The following ADARB2 variants were observed in gnomAD, a reference collection of about 807,000 sequenced individuals.
ADARB2 encodes adenosine deaminase RNA specific B2 (inactive).
Under a neutral mutation model 62.2 loss-of-function variants are expected in ADARB2, and 25 were observed. The ratio of observed to expected loss-of-function variants is 0.40; its 90% CI spans 0.29 to 0.56. The LOEUF (loss-of-function observed/expected upper bound fraction) is 0.56, where lower values mean the gene tolerates loss of function less well. ADARB2 is among the 20% of genes least tolerant of loss of function. The pLI, the probability that ADARB2 is intolerant of heterozygous loss-of-function variation, is 0.43. For synonymous variants in ADARB2, 572 were observed against 500.8 expected (o/e 1.14, Z -1.90); for missense variants, 1,071 against 1,077.4 (o/e 0.99, Z 0.08).
At chr10:1,618,619 A>G (rs1419653016) in intron 1 of ADARB2, among the ~76,000 whole-genome samples, 1 of 152,058 alleles carries the variant, frequency 6.6e-6, no homozygotes, top group African/African-American at 2.4e-5. Flanking sequence ...ATATTGGCTG[A>G]CTGCAACCTC....
At chr10:1,486,504 CAG>C (rs1273726661) in intron 1 of ADARB2, among the ~76,000 whole-genome samples, 1 of 152,130 alleles carries the variant, frequency 6.6e-6, no homozygotes, top group Non-Finnish European at 1.5e-5. Flanking sequence ...TGTGTCTGGC[CAG>C]AGTTAATCAA....
chr10:1,481,654 C>T (rs150972414), intron 1 of ADARB2, among the ~76,000 whole-genome samples: 26,737 of 151,812 alleles, frequency 0.18, 2,603 homozygotes, highest in East Asian at 0.37. Context: ...GTCAGGAGTT[C>T]AAGACCAGCC....
rs1287750128 is a variant in ADARB2 at position 1,737,077 on chromosome 10, C to T, written c.74G>A (p.Arg25Lys). 6.2e-7 allele frequency: 1 copy of T among 1,612,038 alleles called. No homozygotes were observed. The highest frequency in any genetic ancestry group is 1.1e-5 in the South Asian group (1 of 91,090). The change falls in exon 1 of 10, where the codon AGG becomes AAG. Residue 25 changes from arginine (R) to lysine (K), a missense_variant. Coordinates refer to ENST00000381312, the MANE Select transcript of ADARB2 (RefSeq NM_018702.4). ...TTTCCGCTTGGACCTCCGCCTCCTC[C>T]TCCTCTTGGACTTGCATTTGAGTTG... ...SSQLKCKSKR[R>K]RRRRSKRKDK...
At chr10:1,455,798 C>G (rs182062076) in intron 1 of ADARB2, among the ~76,000 whole-genome samples, 12 of 152,276 alleles carry the variant, frequency 7.9e-5, no homozygotes, top group African/African-American at 2.9e-4. Flanking sequence ...TGACCAAAAG[C>G]AAGCGATTTT....
At chr10:1,425,697 G>A (rs1179518828) in intron 1 of ADARB2, among the ~76,000 whole-genome samples, 2 of 152,214 alleles carry the variant, frequency 1.3e-5, no homozygotes, top group Non-Finnish European at 2.9e-5. Context: ...TGTGCTCCTG[G>A]CTCAGTAACC....
chr10:1,678,368 G>C, intron 1 of ADARB2: 6 of 983,954 alleles, frequency 6.1e-6, no homozygotes, highest in Non-Finnish European at 7.2e-6. Flanking sequence ...GTGACCTCGG[G>C]GTGAGCATCC....
rs192414556 is a variant in ADARB2, at chr10:1,730,407, G to A, written c.100+6644C>T. ...TGTACACAGTGTGGCCCTCTTCCGC[G>A]TGAGGCTTCAGCTGGTGTGACCATT... On this transcript the variant is annotated intron_variant, in intron 1 of 9. Transcript: ENST00000381312. 1.1e-4 allele frequency among the ~76,000 whole-genome samples: 16 copies of A among 152,224 alleles called. No homozygotes were observed. In the East Asian group the frequency reaches 2.9e-3, roughly 28 times the overall value.
intron 1 of ADARB2, among the ~76,000 whole-genome samples, chr10:1,690,561 T>A (rs1443412721): frequency 6.6e-6 from 1 of 152,016 alleles, no homozygotes; most frequent in East Asian, 1.9e-4. Context: ...GTGCAAGGGG[T>A]TCTTGAGGGC....
At chr10:1,321,700 A>G (rs752978955) in intron 3 of ADARB2, among the ~76,000 whole-genome samples, 2 of 152,208 alleles carry the variant, frequency 1.3e-5, no homozygotes, top group East Asian at 1.9e-4. Flanking sequence ...CTATTTTAAT[A>G]TCCTCCTTCT....
intron 1 of ADARB2, among the ~76,000 whole-genome samples, chr10:1,507,706 C>T (rs984934337): frequency 1.3e-5 from 2 of 152,184 alleles, no homozygotes; most frequent in African/African-American, 4.8e-5. Flanking sequence ...AGGGTGCTGT[C>T]TGAAGGGGTT....
intron 1 of ADARB2, among the ~76,000 whole-genome samples, chr10:1,498,585 C>T (rs1170330636): frequency 6.6e-6 from 1 of 151,944 alleles, no homozygotes; most frequent in Non-Finnish European, 1.5e-5. Flanking sequence ...GGAAATCATC[C>T]ATCTATGTTA....
chr10:1,396,775 C>A (rs1480373166), intron 1 of ADARB2, among the ~76,000 whole-genome samples: 2 of 45,618 alleles, frequency 4.4e-5, no homozygotes, highest in African/African-American at 9.1e-5. Flanking sequence ...GGTCACTGTC[C>A]TCCTCTCCCC....
At position 1,458,009 on chromosome 10, in the gene ADARB2, C is replaced by T. The variant is rs1248079313; in HGVS notation, c.101-78849G>A. 1.1e-4 allele frequency among the ~76,000 whole-genome samples: 9 copies of T among 81,078 alleles called. No homozygotes were observed. In the Admixed American group the frequency reaches 1.2e-3, roughly 11 times the overall value. The allele number at this position is 81,078 out of a possible 152,430, so 53.2% of individuals were successfully genotyped here. A position where few individuals can be genotyped will look rare whatever the true frequency, so the allele number is the denominator to read the frequency against. On this transcript the variant is annotated intron_variant, in intron 1 of 9. Transcript: ENST00000381312. ...ATTGCTTACCCTCCCTCCTTTCTCT[C>T]CTGCTCTTTCCCCTTTAAATATCGA...
chr10:1,221,151 C>T (rs527270596), intron 6 of ADARB2, among the ~76,000 whole-genome samples: 1 of 152,150 alleles, frequency 6.6e-6, no homozygotes, highest in African/African-American at 2.4e-5. Flanking sequence ...TTGCAGTGAG[C>T]TGGCCATAAA....
chr10:1,190,189 G>T (rs895323511), intron 8 of ADARB2, among the ~76,000 whole-genome samples: 1 of 151,444 alleles, frequency 6.6e-6, no homozygotes, highest in African/African-American at 2.5e-5. Flanking sequence ...GAGGAGAAAC[G>T]CGTCCTCCCA....
At chr10:1,215,333 C>A (rs1045027409) in intron 7 of ADARB2, among the ~76,000 whole-genome samples, 9 of 152,184 alleles carry the variant, frequency 5.9e-5, no homozygotes, top group Admixed American at 3.3e-4. Flanking sequence ...GCTGGCTGTG[C>A]GCACCCTCTC....
intron 1 of ADARB2, among the ~76,000 whole-genome samples, chr10:1,415,832 T>C (rs1367931064): frequency 6.6e-6 from 1 of 152,252 alleles, no homozygotes; most frequent in Non-Finnish European, 1.5e-5. Flanking sequence ...TTGCCACCTC[T>C]TCCATGCAGC....
intron 1 of ADARB2, among the ~76,000 whole-genome samples, chr10:1,664,612 A>C (rs556204938): frequency 2.0e-5 from 3 of 152,202 alleles, no homozygotes; most frequent in African/African-American, 7.2e-5. Context: ...GGCATCTCTC[A>C]TGTTCATCAT....
At chr10:1,427,882 C>T (rs1832904852) in intron 1 of ADARB2, among the ~76,000 whole-genome samples, 1 of 151,992 alleles carries the variant, frequency 6.6e-6, no homozygotes, top group Non-Finnish European at 1.5e-5. Context: ...ACACACTGCT[C>T]AACAATAAGA....
Sources: gnomAD v4.1 joint callset for allele counts (sites outside exome capture counted in the v4.1 genomes callset) on GRCh38, gnomAD v4.1.1 for gene constraint, MANE v1.5 for transcripts, NCBI Gene and HGNC (gene_info 2026-07-23, HGNC 2026-07-21) for gene names.